Variants in TMPRSS7 observed in about 807,000 individuals in gnomAD.
TMPRSS7 encodes the protein transmembrane serine protease 7, also known as transmembrane protease serine 7.
In TMPRSS7, 81 loss-of-function variants were observed where a neutral mutation model predicts 95.6. That is an observed-to-expected ratio of 0.85 (90% CI 0.71 to 1.02). The LOEUF (loss-of-function observed/expected upper bound fraction) is 1.02, where lower values mean the gene tolerates loss of function less well. TMPRSS7 is among the 50% of genes least tolerant of loss of function. The probability of loss-of-function intolerance (pLI) is 0.00; values close to 1 mark genes in which losing one functional copy is unlikely to be tolerated. For synonymous variants in TMPRSS7, 364 were observed against 337.8 expected, an observed-to-expected ratio of 1.08 and a Z score of -0.85; for missense variants, 945 against 955.2, an observed-to-expected ratio of 0.99 and a Z score of 0.14.
At chr3:112,058,065 A>C (rs538239503) in intron 10 of TMPRSS7, among the ~76,000 whole-genome samples, 34 of 152,308 alleles carry the variant, frequency 2.2e-4, no homozygotes, top group African/African-American at 7.9e-4. Flanking sequence ...CCCTGTCTTG[A>C]CCACAGAATA....
intron 9 of TMPRSS7, among the ~76,000 whole-genome samples, chr3:112,053,184 T>TA (rs62899560): frequency 0.94 from 139,458 of 148,276 alleles, 65,838 homozygotes; most frequent in East Asian, 1. Flanking sequence ...TTGAATTTAT[T>TA]AAAAAAAAAA....
At chr3:112,039,498 A>T (rs2107735378) in intron 2 of TMPRSS7, 1 of 142,760 alleles carries the variant, frequency 7.0e-6, no homozygotes, top group Admixed American at 7.2e-5. Flanking sequence ...AACCAACCAC[A>T]TGCTTAGAGG....
intron 17 of TMPRSS7, among the ~76,000 whole-genome samples, chr3:112,079,860 A>G (rs993548630): frequency 3.9e-5 from 6 of 152,208 alleles, no homozygotes; most frequent in African/African-American, 1.4e-4. Context: ...GAGGGTAAGT[A>G]AATTGCCTAA....
rs548167738 is a variant in TMPRSS7, at chr3:112,065,555, T to A, written c.1556-837T>A. Among the ~76,000 whole-genome samples, 253 of 152,330 alleles carry A rather than the reference T, an allele frequency of 1.7e-3. 3 individuals are homozygous for A. The highest frequency in any genetic ancestry group is 3.3e-3 in the Non-Finnish European group (222 of 68,032). ...TATAATAAGGACTGTTTTTTGGTAA[T>A]CATTATTCCTCATTGTGCCATTTTT... is the stretch of plus-strand genomic sequence containing the variant. On this transcript the variant is annotated intron_variant, in intron 12 of 17. Coordinates refer to ENST00000452346, the Ensembl canonical transcript of TMPRSS7.
chr3:112,066,008 T>A (rs576661091), intron 12 of TMPRSS7, among the ~76,000 whole-genome samples: 1 of 152,310 alleles, frequency 6.6e-6, no homozygotes, highest in East Asian at 1.9e-4. Flanking sequence ...GGTACGGAGA[T>A]GAAGAAGACA....
intron 10 of TMPRSS7, among the ~76,000 whole-genome samples, chr3:112,058,620 A>T (rs1205451432): frequency 2.0e-5 from 3 of 152,230 alleles, no homozygotes; most frequent in Non-Finnish European, 4.4e-5. Context: ...GGCTTTAAAG[A>T]TACTGCATTT....
At chr3:112,063,687 C>A in intron 12 of TMPRSS7, 55 bp downstream of exon 12, 1 of 1,381,936 alleles carries the variant, frequency 7.2e-7, no homozygotes, top group Non-Finnish European at 1.0e-6. Context: ...CTTCTCAGGA[C>A]CATGATTGCT....
chr3:112,041,911 A>G lies in TMPRSS7; in HGVS notation c.299-9A>G. ...AAGCCTCCGAATCTTGTTCTTTCCT[A>G]TTTTACAGGTAAAACAGAAAGCAAA... is the stretch of plus-strand genomic sequence containing the variant. On this transcript the variant is annotated splice_polypyrimidine_tract_variant and intron_variant, in intron 2 of 17. Transcript: ENST00000452346. 3 of 1,511,848 alleles carry G rather than the reference A, an allele frequency of 2.0e-6. No homozygotes were observed. Among genetic ancestry groups the G allele is most frequent in the Middle Eastern group, 1.7e-4 (1 of 5,914 alleles). The allele number at this position is 1,511,848 out of a possible 1,614,324, so 93.7% of individuals were successfully genotyped here.
intron 4 of TMPRSS7, 83 bp downstream of exon 4, chr3:112,044,405 C>A: frequency 8.5e-7 from 1 of 1,178,080 alleles, no homozygotes; most frequent in Non-Finnish European, 1.2e-6. Context: ...GAGATTCCAC[C>A]ATTCCCAAGT....
intron 2 of TMPRSS7, among the ~76,000 whole-genome samples, chr3:112,040,560 T>C (rs934151187): frequency 1.3e-5 from 2 of 152,166 alleles, no homozygotes; most frequent in Non-Finnish European, 2.9e-5. Context: ...GTCAAGTCAA[T>C]GGGCCATTAA....
At chr3:112,067,134 C>T (rs1440064535) in intron 13 of TMPRSS7, among the ~76,000 whole-genome samples, 2 of 152,190 alleles carry the variant, frequency 1.3e-5, no homozygotes, top group South Asian at 2.1e-4. Flanking sequence ...CCAGCTTCAT[C>T]CATGTCCCTG....
At chr3:112,069,398 T>C (rs370524856) in intron 13 of TMPRSS7, among the ~76,000 whole-genome samples, 1 of 152,238 alleles carries the variant, frequency 6.6e-6, no homozygotes. Context: ...TCAGAAGGAA[T>C]GTTACCAGCT....
intron 12 of TMPRSS7, among the ~76,000 whole-genome samples, chr3:112,064,276 G>A (rs2073548233): frequency 6.6e-6 from 1 of 152,180 alleles, no homozygotes; most frequent in Admixed American, 6.5e-5. Flanking sequence ...TGCTCTTTCA[G>A]CGTGCTCCTT....
At chr3:112,037,088 G>C (rs555142445) in intron 1 of TMPRSS7, among the ~76,000 whole-genome samples, 4 of 152,184 alleles carry the variant, frequency 2.6e-5, no homozygotes, top group Non-Finnish European at 5.9e-5. Flanking sequence ...TGAACAATAT[G>C]AAATCTGGGC....
At chr3:112,057,908 T>C (rs1186910072) in intron 10 of TMPRSS7, among the ~76,000 whole-genome samples, 1 of 151,976 alleles carries the variant, frequency 6.6e-6, no homozygotes, top group Non-Finnish European at 1.5e-5. Flanking sequence ...GTAGTTTTAG[T>C]AGAGATGGGG....
At chr3:112,046,443 G>C (rs1482803937) in intron 5 of TMPRSS7, among the ~76,000 whole-genome samples, 2 of 151,980 alleles carry the variant, frequency 1.3e-5, no homozygotes, top group Non-Finnish European at 2.9e-5. Context: ...TTTCTGTTTT[G>C]ATTTAAATTT....
chr3:112,074,333 T>C, exon 14 of TMPRSS7: 1 of 1,614,128 alleles, frequency 6.2e-7, no homozygotes, highest in Non-Finnish European at 8.5e-7. Context: ...AGTGTGGCAA[T>C]GATATTTGCT....
chr3:112,080,862 CT>C (rs1051054979), intron 17 of TMPRSS7, 51 bp from the exon 18 acceptor site: 5 of 1,536,824 alleles, frequency 3.3e-6, no homozygotes, highest in Non-Finnish European at 4.4e-6. Flanking sequence ...AAAGATGAAA[CT>C]GATGATCATG....
chr3:112,053,003 G>T (rs11711987), intron 9 of TMPRSS7, among the ~76,000 whole-genome samples: 5 of 151,782 alleles, frequency 3.3e-5, no homozygotes, highest in Non-Finnish European at 5.9e-5. Flanking sequence ...GCAGGAAACA[G>T]CAGGACAAAC....
Sources: allele counts gnomAD v4.1 joint callset (sites outside exome capture counted in the v4.1 genomes callset), GRCh38; gene constraint gnomAD v4.1.1; transcripts MANE v1.5; gene names NCBI Gene and HGNC (gene_info 2026-07-23, HGNC 2026-07-21).